LRP2: variants seen among roughly 807,000 people sequenced by gnomAD.
The protein encoded by LRP2 is LDL receptor related protein 2, also known as low-density lipoprotein receptor-related protein 2.
LRP2 carries 172 observed loss-of-function variants against 531.0 expected under a neutral mutation model. That is an observed-to-expected ratio of 0.32 (90% CI 0.29 to 0.37). The LOEUF (loss-of-function observed/expected upper bound fraction) is 0.37. Ranked by LOEUF, LRP2 falls within the 10% of genes least tolerant of loss-of-function variation. The pLI is 1.00. For synonymous variants in LRP2, 1,992 were observed against 2,027.6 expected (o/e 0.98, Z 0.47); for missense variants, 5,167 against 5,868.3 (o/e 0.88, Z 3.90).
Position 169,204,162 on chromosome 2 carries a change from C to T in LRP2, c.7825G>A (p.Asp2609Asn). Reference protein sequence around the residue: ...TLYGQYIYWTDLYTQRIYRAN... With the variant: ...TLYGQYIYWTNLYTQRIYRAN... Reference sequence around the variant, plus strand: ...CGGTAAATTCTTTGTGTGTACAAGTCAGTCCAGTAAATATACTGGCCATAG... The same window carrying T: ...CGGTAAATTCTTTGTGTGTACAAGTTAGTCCAGTAAATATACTGGCCATAG... The change falls in exon 42 of 79, where the codon GAC (aspartate) becomes AAC (asparagine). Residue 2609 changes from aspartate (D) to asparagine (N), a missense_variant. Coordinates refer to ENST00000649046, the MANE Select transcript of LRP2 (RefSeq NM_004525.3). 1 of 1,614,182 alleles carries T rather than the reference C, an allele frequency of 6.2e-7. No homozygotes were observed. Among genetic ancestry groups the T allele is most frequent in the South Asian group, 1.1e-5 (1 of 91,080 alleles).
At chr2:169,313,384 G>A (rs1055459121) in intron 3 of LRP2, among the ~76,000 whole-genome samples, 3 of 152,110 alleles carry the variant, frequency 2.0e-5, no homozygotes, top group Admixed American at 2.0e-4. Flanking sequence ...TACAGATGGG[G>A]TCTTGGTGTA....
At chr2:169,300,291 T>C (rs1684255953) in intron 4 of LRP2, among the ~76,000 whole-genome samples, 1 of 152,006 alleles carries the variant, frequency 6.6e-6, no homozygotes, top group African/African-American at 2.4e-5. Flanking sequence ...GGGTAAAAGG[T>C]AAAGAGTAAC....
chr2:169,149,934 G>A lies in LRP2; in HGVS notation c.12590+964C>T, dbSNP rs796664756. Among the ~76,000 whole-genome samples the A allele has an allele frequency of 2.0e-5, 3 of 152,078 alleles. No homozygotes were observed. In the South Asian group the frequency reaches 6.2e-4, roughly 32 times the overall value. ...CAGATGAATTTAAACATTAGTTACA[G>A]AGGAAAAAATTAAACGGCACACTGG... On this transcript the variant is annotated intron_variant, in intron 68 of 78. Transcript: ENST00000649046.
Position 169,132,622 on chromosome 2 carries a change from C to T in LRP2, c.13680G>A (p.Glu4560=), listed in dbSNP as rs192849943. 5.0e-5 allele frequency: 80 copies of T among 1,611,756 alleles called. No homozygotes were observed. The highest frequency in any genetic ancestry group is 6.2e-5 in the Non-Finnish European group (73 of 1,178,012). Residue 4560 remains glutamate (E), a synonymous_variant, in exon 77 of 79, where the codon GAG becomes GAA. Transcript: ENST00000649046. ...KNYGSPINPS[E]IVPETNPTSP... is the part of the protein sequence containing the mutation. ...AAGTTGGGTTTGTCTCTGGAACTAT[C>T]TCAGAAGGGTTTATGGGACTTCCAT... is the stretch of plus-strand genomic sequence containing the variant.
rs1397835441 is a variant in LRP2 at position 169,174,011 on chromosome 2, C to G, written c.10922G>C (p.Arg3641Pro). The G allele has an allele frequency of 6.2e-7, 1 of 1,614,244 alleles. No individual in the cohort carries two copies. Among genetic ancestry groups the G allele is most frequent in the Non-Finnish European group, 8.5e-7 (1 of 1,180,048 alleles). The change falls in exon 56 of 79, where the codon CGG becomes CCG. Residue 3641 changes from arginine to proline, a missense_variant. Coordinates refer to ENST00000649046, the MANE Select transcript of LRP2 (RefSeq NM_004525.3). ...ASRTCRPGQF[R>P]CANGRCIPQA... ...CGGGATGCAGCGGCCATTAGCACACCGAAACTGGCCCGGCCGGCAGGTCCT... is the reference window on the plus strand; with the variant it reads ...CGGGATGCAGCGGCCATTAGCACACGGAAACTGGCCCGGCCGGCAGGTCCT...
chr2:169,307,456 A>G (rs1037683238), intron 3 of LRP2, 59 bp from the exon 4 acceptor site: 10 of 991,426 alleles, frequency 1.0e-5, no homozygotes, highest in East Asian at 2.5e-5. Context: ...AGACTAATCT[A>G]TTGTCATTAA....
chr2:169,157,612 AC>A, intron 63 of LRP2, 110 bp from the exon 64 acceptor site: 1 of 1,232,474 alleles, frequency 8.1e-7, no homozygotes, highest in Middle Eastern at 2.6e-4. Flanking sequence ...TCTTGAGATA[AC>A]CCCTTTCCAT....
chr2:169,237,150 A>G lies in LRP2; in HGVS notation c.4644T>C (p.Ser1548=). The G allele has an allele frequency of 6.2e-7, 1 of 1,613,994 alleles. No homozygotes were observed. Among genetic ancestry groups the G allele is most frequent in the Non-Finnish European group, 8.5e-7 (1 of 1,179,934 alleles). The change falls in exon 28 of 79, where the codon AGT becomes AGC. Residue 1548 remains serine (S), a synonymous_variant. Transcript: ENST00000649046. ...IDGSHRTVLI[S]KNLTNPRGLA... Reference sequence around the variant, plus strand: ...GTCCTCTTGGATTTGTTAGGTTTTTACTAATCAGCACAGTCCTGTGGCTCC... The same window carrying G: ...GTCCTCTTGGATTTGTTAGGTTTTTGCTAATCAGCACAGTCCTGTGGCTCC...
chr2:169,157,423 G>C lies in LRP2; in HGVS notation c.11967C>G (p.Cys3989Trp). Residue 3989 changes from cysteine to tryptophan, a missense_variant, in exon 64 of 79, where the codon TGC becomes TGG. Transcript: ENST00000649046. ...TGGTTTCGAACCCAGCTGTACAGGA[G>C]CAGATAAATCCTCCTTCATTTAATT... ...CTQLNEGGFI[C>W]SCTAGFETNV... 1 of 1,613,324 alleles carries C rather than the reference G, an allele frequency of 6.2e-7. No homozygotes were observed. The highest frequency in any genetic ancestry group is 1.1e-5 in the South Asian group (1 of 91,066).
Position 169,335,519 on chromosome 2 carries a change from C to T in LRP2, c.80-14635G>A, listed in dbSNP as rs1685379473. Among the ~76,000 whole-genome samples, 3 of 152,180 alleles carry T rather than the reference C, an allele frequency of 2.0e-5. No homozygotes were observed. The South Asian group carries it at 6.2e-4, about 31-fold the overall frequency. On this transcript the variant is annotated intron_variant, in intron 1 of 78. Coordinates refer to ENST00000649046, the MANE Select transcript of LRP2 (RefSeq NM_004525.3). ...AACTGAAACCAAGCTAAAAAGTTTTCCATTCAAAAAGTTTGGCCAGCACAG... is the reference window on the plus strand; with the variant it reads ...AACTGAAACCAAGCTAAAAAGTTTTTCATTCAAAAAGTTTGGCCAGCACAG...
chr2:169,341,414 T>C (rs535672767), intron 1 of LRP2, among the ~76,000 whole-genome samples: 1 of 152,298 alleles, frequency 6.6e-6, no homozygotes, highest in South Asian at 2.1e-4. Context: ...TCCCCAGGCA[T>C]TTATGGAGCA....
intron 75 of LRP2, among the ~76,000 whole-genome samples, chr2:169,138,319 T>C (rs1268482845): frequency 6.6e-6 from 1 of 152,170 alleles, no homozygotes; most frequent in African/African-American, 2.4e-5. Flanking sequence ...TCTTCAATAT[T>C]CAAGTTAAAC....
At chr2:169,204,393 G>C in intron 41 of LRP2, 122 bp from the exon 42 acceptor site, 1 of 905,846 alleles carries the variant, frequency 1.1e-6, no homozygotes, top group Non-Finnish European at 1.8e-6. Context: ...TTTTCAAATG[G>C]GGCATATGGC....
rs746646139 is a variant in LRP2, at chr2:169,206,040, C to T, written c.7539G>A (p.Val2513=). The T allele has an allele frequency of 2.5e-6, 4 of 1,614,080 alleles. No homozygotes were observed. Among genetic ancestry groups the T allele is most frequent in the Admixed American group, 1.7e-5 (1 of 60,012 alleles). Residue 2513 remains valine, a synonymous_variant, in exon 40 of 79, where the codon GTG becomes GTA. Coordinates refer to ENST00000649046, the MANE Select transcript of LRP2 (RefSeq NM_004525.3). ...TGGCATACCCTTGGCAGGGATCTAA[C>T]ACAATTGCTCTTGGTTTTGGAACGC... ...IARVPKPRAI[V]LDPCQGYLYW...
chr2:169,145,989 C>T (rs190067679), intron 69 of LRP2, 66 bp from the exon 70 acceptor site: 11 of 1,389,154 alleles, frequency 7.9e-6, no homozygotes, highest in African/African-American at 4.3e-5. Context: ...CTACACCCTA[C>T]CGCCACTTCT....
intron 63 of LRP2, among the ~76,000 whole-genome samples, chr2:169,158,338 T>C (rs1686420059): frequency 7.6e-6 from 1 of 130,884 alleles, no homozygotes; most frequent in Non-Finnish European, 1.7e-5. Flanking sequence ...ATAAAAATAT[T>C]TACAATAAGA....
rs1204830276 is a variant in LRP2, at chr2:169,187,830, A to C, written c.9328+140T>G. On this transcript the variant is annotated intron_variant, in intron 49 of 78. Coordinates refer to ENST00000649046, the MANE Select transcript of LRP2 (RefSeq NM_004525.3). ...TCTTATATACCAAGAAACTTTGGTA[A>C]CCTTTTGCTATATCAGGAATAGTGA... 3 of 931,612 alleles carry C rather than the reference A, an allele frequency of 3.2e-6. No individual in the cohort carries two copies. In the African/African-American group the frequency reaches 4.9e-5, roughly 15 times the overall value. The allele number at this position is 931,612 out of a possible 1,614,324, so 57.7% of individuals were successfully genotyped here. A position where few individuals can be genotyped will look rare whatever the true frequency, so the allele number is the denominator to read the frequency against.
intron 58 of LRP2, among the ~76,000 whole-genome samples, chr2:169,171,175 A>C (rs1686992014): frequency 6.6e-6 from 1 of 152,108 alleles, no homozygotes. Flanking sequence ...CTTTTGTATA[A>C]GTTTTTAGCT....
At chr2:169,303,230 T>C (rs1288813408) in intron 4 of LRP2, among the ~76,000 whole-genome samples, 1 of 152,142 alleles carries the variant, frequency 6.6e-6, no homozygotes, top group Non-Finnish European at 1.5e-5. Context: ...GACAATAATA[T>C]GTAAAAATAA....
Sources: allele counts gnomAD v4.1 joint callset (sites outside exome capture counted in the v4.1 genomes callset), GRCh38; gene constraint gnomAD v4.1.1; transcripts MANE v1.5; gene names NCBI Gene and HGNC (gene_info 2026-07-23, HGNC 2026-07-21).